The following FOXP1 variants were observed in gnomAD, a reference collection of about 807,000 sequenced individuals.
The protein encoded by FOXP1 is forkhead box P1.
Under a neutral mutation model 98.2 loss-of-function variants are expected in FOXP1, and 15 were observed. The ratio of observed to expected loss-of-function variants is 0.15; its 90% CI spans 0.10 to 0.24. The LOEUF (loss-of-function observed/expected upper bound fraction) is 0.24. FOXP1 is among the 10% of genes least tolerant of loss of function. The pLI is 1.00. For synonymous variants in FOXP1, 371 were observed against 314.5 expected, an observed-to-expected ratio of 1.18 and a Z score of -1.90; for missense variants, 633 against 848.5, an observed-to-expected ratio of 0.75 and a Z score of 3.15.
chr3:71,017,006 A>AT (rs1331570947), intron 11 of FOXP1, among the ~76,000 whole-genome samples: 2 of 152,106 alleles, frequency 1.3e-5, no homozygotes, highest in African/African-American at 4.8e-5. Context: ...AGGTCTTAGA[A>AT]TAAAAAAAAA....
chr3:71,036,865 C>A (rs910259382), intron 11 of FOXP1, among the ~76,000 whole-genome samples: 2 of 152,156 alleles, frequency 1.3e-5, no homozygotes, highest in Non-Finnish European at 2.9e-5. Context: ...TAACTTAATA[C>A]GTGTTTTGTC....
intron 4 of FOXP1, chr3:71,332,863 G>C (rs1304129791): frequency 6.6e-6 from 1 of 152,340 alleles, no homozygotes; most frequent in African/African-American, 2.4e-5. Flanking sequence ...AAGAAGCAGA[G>C]GGCGGCAATG....
chr3:71,207,874 C>T (rs896084188), intron 5 of FOXP1, among the ~76,000 whole-genome samples: 2 of 152,140 alleles, frequency 1.3e-5, no homozygotes, highest in African/African-American at 4.8e-5. Flanking sequence ...TGTGCACACA[C>T]CAAACTAGAT....
chr3:71,575,898 T>C (rs1171316516), intron 2 of FOXP1, among the ~76,000 whole-genome samples: 2 of 152,244 alleles, frequency 1.3e-5, no homozygotes, highest in Non-Finnish European at 2.9e-5. Flanking sequence ...AGTTTGATGC[T>C]AGAAATATTC....
intron 12 of FOXP1, among the ~76,000 whole-genome samples, chr3:71,001,594 G>C (rs571585652): frequency 6.6e-6 from 1 of 152,246 alleles, no homozygotes; most frequent in Admixed American, 6.5e-5. Context: ...CCAATGGTGG[G>C]GGGTGGGGGA....
intron 6 of FOXP1, among the ~76,000 whole-genome samples, chr3:71,194,324 T>C (rs1241635760): frequency 1.3e-5 from 2 of 152,054 alleles, no homozygotes; most frequent in Non-Finnish European, 2.9e-5. Flanking sequence ...TGGAATGTTG[T>C]TAAGAAATAG....
At chr3:71,456,883 G>A (rs2087565427) in intron 3 of FOXP1, among the ~76,000 whole-genome samples, 1 of 151,534 alleles carries the variant, frequency 6.6e-6, no homozygotes, top group African/African-American at 2.4e-5. Context: ...AGTGTTAGCA[G>A]GTTATTGCTA....
intron 3 of FOXP1, among the ~76,000 whole-genome samples, chr3:71,415,136 T>C (rs2083111108): frequency 6.6e-6 from 1 of 152,230 alleles, no homozygotes; most frequent in African/African-American, 2.4e-5. Context: ...AGGGAATCTG[T>C]GTTCAAGAAA....
At chr3:71,471,905 G>A (rs912101065) in intron 3 of FOXP1, among the ~76,000 whole-genome samples, 1 of 152,108 alleles carries the variant, frequency 6.6e-6, no homozygotes, top group Non-Finnish European at 1.5e-5. Context: ...ATAACACCAG[G>A]TGACTCCCAG....
intron 11 of FOXP1, among the ~76,000 whole-genome samples, chr3:71,030,490 C>T (rs2046717693): frequency 6.6e-6 from 1 of 152,192 alleles, no homozygotes; most frequent in Non-Finnish European, 1.5e-5. Context: ...AGAACTTAAC[C>T]GTTCTTGTGT....
At chr3:71,465,390 C>T (rs2088604930) in intron 3 of FOXP1, among the ~76,000 whole-genome samples, 1 of 151,650 alleles carries the variant, frequency 6.6e-6, no homozygotes, top group South Asian at 2.1e-4. Flanking sequence ...CATAACAATG[C>T]TATGAAGTGG....
At chr3:71,509,738 C>T (rs75883562) in intron 2 of FOXP1, among the ~76,000 whole-genome samples, 7,164 of 152,134 alleles carry the variant, frequency 0.047, 241 homozygotes, top group Non-Finnish European at 0.074. Context: ...AAAAATTAGC[C>T]GGGCTCAGTG....
intron 4 of FOXP1, among the ~76,000 whole-genome samples, chr3:71,308,852 C>T (rs1239544225): frequency 1.3e-5 from 2 of 149,788 alleles, no homozygotes; most frequent in African/African-American, 4.9e-5. Context: ...TAAAAGCATT[C>T]GGTGATAAAA....
intron 14 of FOXP1, among the ~76,000 whole-genome samples, chr3:70,979,854 G>A (rs1449255953): frequency 6.6e-6 from 1 of 151,032 alleles, no homozygotes; most frequent in African/African-American, 2.4e-5. Flanking sequence ...AAAAAGCAAT[G>A]AACCTGAAGA....
At chr3:71,128,016 A>G (rs1386755291) in intron 6 of FOXP1, among the ~76,000 whole-genome samples, 1 of 152,202 alleles carries the variant, frequency 6.6e-6, no homozygotes, top group East Asian at 1.9e-4. Flanking sequence ...GTTCCCTTAT[A>G]TAGTCAAGGA....
chr3:71,339,243 A>T (rs2076870297), intron 4 of FOXP1, among the ~76,000 whole-genome samples: 1 of 152,286 alleles, frequency 6.6e-6, no homozygotes, highest in African/African-American at 2.4e-5. Flanking sequence ...TATCATAAAA[A>T]TTATAAGAAC....
intron 2 of FOXP1, among the ~76,000 whole-genome samples, chr3:71,538,545 T>C (rs1009773515): frequency 6.6e-6 from 1 of 152,262 alleles, no homozygotes; most frequent in East Asian, 1.9e-4. Flanking sequence ...TCATCACATT[T>C]TGTTGATCCA....
chr3:71,575,398 C>A (rs981889193), intron 2 of FOXP1, among the ~76,000 whole-genome samples: 1 of 152,130 alleles, frequency 6.6e-6, no homozygotes, highest in African/African-American at 2.4e-5. Context: ...GTTACCATGT[C>A]AATCAGCAAA....
intron 6 of FOXP1, among the ~76,000 whole-genome samples, chr3:71,166,289 G>A (rs1046039108): frequency 2.6e-5 from 4 of 152,094 alleles, no homozygotes; most frequent in Admixed American, 1.3e-4. Context: ...GCAAGTGGGG[G>A]GTGACAAGAG....
Sources: gnomAD v4.1 joint callset for allele counts (sites outside exome capture counted in the v4.1 genomes callset) on GRCh38, gnomAD v4.1.1 for gene constraint, MANE v1.5 for transcripts, NCBI Gene and HGNC (gene_info 2026-07-23, HGNC 2026-07-21) for gene names.